Variants in KCTD8 observed in about 807,000 individuals in gnomAD.
The protein encoded by KCTD8 is BTB/POZ domain-containing protein KCTD8.
Under a neutral mutation model 31.5 loss-of-function variants are expected in KCTD8, and 27 were observed. The ratio of observed to expected loss-of-function variants is 0.86; its 90% confidence interval spans 0.63 to 1.18. The LOEUF (loss-of-function observed/expected upper bound fraction) is 1.18, where lower values mean the gene tolerates loss of function less well. KCTD8 is among the 50% of genes most tolerant of loss of function. The probability of loss-of-function intolerance (pLI) is 0.00; values close to 1 mark genes in which losing one functional copy is unlikely to be tolerated. For synonymous variants in KCTD8, 290 were observed against 280.0 expected (o/e 1.04, Z -0.36); for missense variants, 658 against 647.7 (o/e 1.02, Z -0.17).
At chr4:44,403,220 T>C (rs1720706899) in intron 1 of KCTD8, among the ~76,000 whole-genome samples, 1 of 152,110 alleles carries the variant, frequency 6.6e-6, no homozygotes, top group Admixed American at 6.6e-5. Flanking sequence ...AAAATTACTC[T>C]GCTGGTCACA....
chr4:44,311,582 T>C (rs1404851165), intron 1 of KCTD8, among the ~76,000 whole-genome samples: 1 of 152,008 alleles, frequency 6.6e-6, no homozygotes, highest in East Asian at 1.9e-4. Flanking sequence ...AATCAGATAG[T>C]GAGGCTGTCA....
intron 1 of KCTD8, among the ~76,000 whole-genome samples, chr4:44,215,244 C>T (rs1405760236): frequency 6.6e-6 from 1 of 152,128 alleles, no homozygotes; most frequent in Admixed American, 6.5e-5. Context: ...TGCACTTTTC[C>T]TGTCTTGATA....
chr4:44,279,749 A>G (rs1054437460), intron 1 of KCTD8, among the ~76,000 whole-genome samples: 3 of 152,074 alleles, frequency 2.0e-5, no homozygotes, highest in African/African-American at 7.2e-5. Flanking sequence ...TGCCAGCCAG[A>G]TTTTGAACAC....
intron 1 of KCTD8, among the ~76,000 whole-genome samples, chr4:44,388,629 C>A (rs574423832): frequency 2.4e-4 from 36 of 151,886 alleles, no homozygotes; most frequent in African/African-American, 8.7e-4. Flanking sequence ...CAGATGTACT[C>A]ACTTATAAGT....
chr4:44,441,721 G>C (rs1192014535), intron 1 of KCTD8, among the ~76,000 whole-genome samples: 1 of 152,080 alleles, frequency 6.6e-6, no homozygotes, highest in African/African-American at 2.4e-5. Context: ...TGAACTATTA[G>C]GGAACTAATG....
rs909528773 is a variant in KCTD8 at position 44,368,676 on chromosome 4, A to G, written c.961+78887T>C. Among the ~76,000 whole-genome samples the G allele has an allele frequency of 3.0e-4, 45 of 152,192 alleles. 1 individual carries two copies. The highest frequency in any genetic ancestry group is 9.4e-4 in the African/African-American group (39 of 41,460). ...GAGGAGAAAAGCTGTTATGTAAACT[A>G]TAAGTAAAAAGTAAGCCCAGAGACA... is the stretch of plus-strand genomic sequence containing the variant. On this transcript the variant is annotated intron_variant, in intron 1 of 1. Transcript: ENST00000360029.
intron 1 of KCTD8, among the ~76,000 whole-genome samples, chr4:44,238,557 T>A (rs1051429741): frequency 3.3e-5 from 5 of 152,168 alleles, no homozygotes; most frequent in Non-Finnish European, 7.3e-5. Flanking sequence ...TACCCAAGTG[T>A]TAACGTACCA....
In KCTD8 at chr4:44,372,393, A is replaced by C. The variant is rs140601077; in HGVS notation, c.961+75170T>G. 2.9e-3 allele frequency among the ~76,000 whole-genome samples: 439 copies of C among 152,332 alleles called. 9 individuals are homozygous for C. The highest frequency in any genetic ancestry group is 0.026 in the Admixed American group (400 of 15,298). On this transcript the variant is annotated intron_variant, in intron 1 of 1. Coordinates refer to ENST00000360029, the MANE Select transcript of KCTD8 (RefSeq NM_198353.3). ...TAGACAGATGCACTGGTAATGCTAA[A>C]GCTACACTGAGGGTATAGGCACAGC...
chr4:44,323,275 C>G (rs1395894849), intron 1 of KCTD8, among the ~76,000 whole-genome samples: 1 of 151,892 alleles, frequency 6.6e-6, no homozygotes. Context: ...AGGTGGATCA[C>G]CTGAGGTCAG....
At chr4:44,216,459 C>T (rs1714654873) in intron 1 of KCTD8, among the ~76,000 whole-genome samples, 1 of 151,994 alleles carries the variant, frequency 6.6e-6, no homozygotes, top group Admixed American at 6.6e-5. Context: ...TAATCCAATA[C>T]CCTAACCTGA....
chr4:44,402,040 C>T (rs1039447821), intron 1 of KCTD8, among the ~76,000 whole-genome samples: 3 of 151,934 alleles, frequency 2.0e-5, no homozygotes, highest in Non-Finnish European at 4.4e-5. Flanking sequence ...TTTTAAAATC[C>T]TAAACTTTAG....
chr4:44,412,502 A>C (rs1720985570), intron 1 of KCTD8, among the ~76,000 whole-genome samples: 1 of 152,158 alleles, frequency 6.6e-6, no homozygotes, highest in African/African-American at 2.4e-5. Flanking sequence ...TATGGGAAAA[A>C]TGTTTGTATC....
intron 1 of KCTD8, among the ~76,000 whole-genome samples, chr4:44,341,498 C>G (rs536346121): frequency 5.6e-4 from 86 of 152,302 alleles, no homozygotes; most frequent in African/African-American, 1.9e-3. Context: ...ATTGCTTTGT[C>G]AACTAAGTTT....
At chr4:44,441,574 G>A (rs905032294) in intron 1 of KCTD8, among the ~76,000 whole-genome samples, 1 of 152,090 alleles carries the variant, frequency 6.6e-6, no homozygotes, top group Non-Finnish European at 1.5e-5. Context: ...TTGACTGCCA[G>A]AAACAGGCAT....
intron 1 of KCTD8, among the ~76,000 whole-genome samples, chr4:44,259,697 G>A (rs949856002): frequency 2.6e-5 from 4 of 151,838 alleles, no homozygotes; most frequent in African/African-American, 7.2e-5. Flanking sequence ...TTCTCTGTAC[G>A]TGATATTTTT....
chr4:44,271,702 C>T lies in KCTD8; in HGVS notation c.962-96452G>A, dbSNP rs550124727. ...GCGATCTGTGCCTTAAGGACATGTT[C>T]CTGTTGCATATAACTAGCCAGAGCC... On this transcript the variant is annotated intron_variant, in intron 1 of 1. Transcript: ENST00000360029. 4.6e-5 allele frequency among the ~76,000 whole-genome samples: 7 copies of T among 152,254 alleles called. No individual in the cohort carries two copies. The East Asian group carries it at 7.7e-4, about 17-fold the overall frequency.
chr4:44,283,617 G>A (rs1349688205), intron 1 of KCTD8, among the ~76,000 whole-genome samples: 1 of 152,070 alleles, frequency 6.6e-6, no homozygotes, highest in Non-Finnish European at 1.5e-5. Context: ...CAGCACATCT[G>A]TTTACAGCAT....
chr4:44,294,387 T>C (rs1424173407), intron 1 of KCTD8, among the ~76,000 whole-genome samples: 5 of 152,192 alleles, frequency 3.3e-5, no homozygotes, highest in Non-Finnish European at 7.3e-5. Context: ...AAAGATTTCA[T>C]AAATTGAAAC....
At chr4:44,413,810 G>A (rs1396317915) in intron 1 of KCTD8, among the ~76,000 whole-genome samples, 2 of 151,994 alleles carry the variant, frequency 1.3e-5, no homozygotes, top group South Asian at 2.1e-4. Flanking sequence ...TAAGGTGGAG[G>A]GATAATCCTG....
Sources: allele counts gnomAD v4.1 joint callset (sites outside exome capture counted in the v4.1 genomes callset), GRCh38; gene constraint gnomAD v4.1.1; transcripts MANE v1.5; gene names NCBI Gene and HGNC (gene_info 2026-07-23, HGNC 2026-07-21).